TNIP3: variants seen among roughly 807,000 people sequenced by gnomAD.
TNIP3 encodes TNFAIP3 interacting protein 3.
TNIP3 carries 34 observed loss-of-function variants against 54.1 expected under a neutral mutation model. The ratio of observed to expected loss-of-function variants is 0.63; its 90% CI spans 0.48 to 0.84. TNIP3 has a LOEUF of 0.84. Among genes scored for constraint, TNIP3 ranks in the 40% least tolerant of loss-of-function variants. The pLI is 0.00. For synonymous variants in TNIP3, 134 were observed against 136.8 expected (o/e 0.98, Z 0.14); for missense variants, 366 against 387.6 (o/e 0.94, Z 0.47).
chr4:121,168,468 G>C (rs185275971), upstream of TNIP3, among the ~76,000 whole-genome samples: 224 of 151,512 alleles, frequency 1.5e-3, no homozygotes, highest in Non-Finnish European at 2.6e-3. Context: ...CAAAGTGCTG[G>C]GATTACAGGC....
chr4:121,196,909 T>TATCA (rs1386598186), intron 2 of TNIP3, among the ~76,000 whole-genome samples: 1 of 152,064 alleles, frequency 6.6e-6, no homozygotes, highest in East Asian at 1.9e-4. Flanking sequence ...ATTAGTGTTT[T>TATCA]ATCAGTCATT....
intron 1 of TNIP3, among the ~76,000 whole-genome samples, chr4:121,224,059 C>T (rs1727155168): frequency 1.3e-5 from 2 of 152,158 alleles, no homozygotes; most frequent in Admixed American, 1.3e-4. Context: ...TGAATGATCT[C>T]AGCTCTCTGA....
Position 121,157,088 on chromosome 4 carries a change from G to A in TNIP3, c.363+6C>T. On this transcript the variant is annotated splice_donor_region_variant and intron_variant, in intron 4 of 10. Coordinates refer to ENST00000057513, the MANE Select transcript of TNIP3 (RefSeq NM_024873.6). ...CTCCGGGCTCGAGGACCCGGGCCCCGCCCACCTCCTCCCGCTGCAGCCGGT... is the reference window on the plus strand; with the variant it reads ...CTCCGGGCTCGAGGACCCGGGCCCCACCCACCTCCTCCCGCTGCAGCCGGT... 2 of 1,613,064 alleles carry A rather than the reference G, an allele frequency of 1.2e-6. No individual in the cohort carries two copies. Among genetic ancestry groups the A allele is most frequent in the Non-Finnish European group, 8.5e-7 (1 of 1,179,778 alleles).
At chr4:121,168,746 G>A (rs958973046), upstream of TNIP3, among the ~76,000 whole-genome samples, 9 of 151,474 alleles carry the variant, frequency 5.9e-5, no homozygotes, top group African/African-American at 9.8e-5. Context: ...TCTTGAACTC[G>A]TGGCTTTGAA....
intron 8 of TNIP3, 21 bp downstream of exon 8, chr4:121,142,705 G>C (rs763797761): frequency 6.3e-7 from 1 of 1,598,000 alleles, no homozygotes; most frequent in Non-Finnish European, 8.6e-7. Context: ...AAATGTATGC[G>C]TGAAAATTAG....
chr4:121,214,854 G>A (rs570875345), intron 2 of TNIP3, among the ~76,000 whole-genome samples: 1 of 152,194 alleles, frequency 6.6e-6, no homozygotes, highest in Admixed American at 6.5e-5. Context: ...AATGCTTATT[G>A]TAGACCCACA....
At chr4:121,218,606 C>T (rs893491183), upstream of TNIP3, among the ~76,000 whole-genome samples, 1 of 151,258 alleles carries the variant, frequency 6.6e-6, no homozygotes, top group East Asian at 1.9e-4. Context: ...TCCTCCTTCT[C>T]CCCGTCCCTC....
intron 3 of TNIP3, among the ~76,000 whole-genome samples, chr4:121,157,796 T>C (rs1730206030): frequency 6.6e-6 from 1 of 152,158 alleles, no homozygotes; most frequent in Admixed American, 6.5e-5. Flanking sequence ...ATGGAGATTA[T>C]AGCCATCACT....
rs774411351 is a variant in TNIP3, at chr4:121,132,646, C to T, written c.963G>A (p.Lys321=). Residue 321 remains lysine (K), a synonymous_variant, in exon 11 of 11, where the codon AAG becomes AAA. Coordinates refer to ENST00000057513, the MANE Select transcript of TNIP3 (RefSeq NM_024873.6). The part of the protein sequence containing the change: ...QHKANGLSSV[K]KVHP ...GTGTGTACTTCTACGGATGGACTTT[C>T]TTTACTGAGGATAAACCTATGGAAA... 52 of 1,612,438 alleles carry T rather than the reference C, an allele frequency of 3.2e-5. No individual in the cohort carries two copies. The highest frequency in any genetic ancestry group is 4.4e-5 in the Non-Finnish European group (52 of 1,178,976).
chr4:121,160,699 T>C (rs1730397571), intron 2 of TNIP3, among the ~76,000 whole-genome samples: 1 of 152,198 alleles, frequency 6.6e-6, no homozygotes, highest in Admixed American at 6.5e-5. Context: ...GATGCCCAGT[T>C]CATGAAGTCA....
At chr4:121,204,649 C>T (rs1054730485) in intron 2 of TNIP3, among the ~76,000 whole-genome samples, 1 of 152,158 alleles carries the variant, frequency 6.6e-6, no homozygotes, top group Non-Finnish European at 1.5e-5. Context: ...TCACTACAAT[C>T]AATGCACAAT....
intron 3 of TNIP3, among the ~76,000 whole-genome samples, chr4:121,171,122 G>T (rs1731041575): frequency 6.6e-6 from 1 of 152,064 alleles, no homozygotes; most frequent in African/African-American, 2.4e-5. Flanking sequence ...TGCCAGTAAG[G>T]GATATCTTTT....
intron 2 of TNIP3, among the ~76,000 whole-genome samples, chr4:121,184,022 T>C (rs1488318584): frequency 6.6e-6 from 1 of 152,186 alleles, no homozygotes; most frequent in Non-Finnish European, 1.5e-5. Context: ...AACCAGTGCC[T>C]GGTGCCAAAA....
At chr4:121,158,969 C>T (rs942175789) in intron 2 of TNIP3, among the ~76,000 whole-genome samples, 3 of 152,148 alleles carry the variant, frequency 2.0e-5, no homozygotes, top group African/African-American at 4.8e-5. Flanking sequence ...TGGCTGGGTC[C>T]GGTGGCTCAC....
At chr4:121,226,760 A>C (rs1377734083) in intron 1 of TNIP3, among the ~76,000 whole-genome samples, 1 of 152,196 alleles carries the variant, frequency 6.6e-6, no homozygotes, top group Admixed American at 6.5e-5. Context: ...AGGGAAGTTT[A>C]TTTTGCAATC....
intron 2 of TNIP3, among the ~76,000 whole-genome samples, chr4:121,190,983 T>G (rs1244798114): frequency 6.6e-6 from 1 of 152,118 alleles, no homozygotes; most frequent in African/African-American, 2.4e-5. Context: ...ATTCCAAAGT[T>G]GAAAATTACA....
At chr4:121,142,065 T>C (rs1729153288) in intron 8 of TNIP3, 151 bp from the exon 9 acceptor site, 5 of 474,694 alleles carry the variant, frequency 1.1e-5, no homozygotes, top group South Asian at 5.0e-5. Context: ...GTCAATAGAC[T>C]CAGGACCAAT....
chr4:121,173,115 C>T (rs145070383), intron 3 of TNIP3, among the ~76,000 whole-genome samples: 1 of 152,126 alleles, frequency 6.6e-6, no homozygotes, highest in Non-Finnish European at 1.5e-5. Context: ...TGGTTTACTT[C>T]CCCCAAAGAA....
intron 10 of TNIP3, among the ~76,000 whole-genome samples, chr4:121,135,637 A>C (rs1231261036): frequency 1.3e-5 from 2 of 152,120 alleles, no homozygotes; most frequent in African/African-American, 2.4e-5. Context: ...AGGCTCAAGC[A>C]ATCTGCCCAC....
Sources: gnomAD v4.1 joint callset for allele counts (sites outside exome capture counted in the v4.1 genomes callset) on GRCh38, gnomAD v4.1.1 for gene constraint, MANE v1.5 for transcripts, NCBI Gene and HGNC (gene_info 2026-07-23, HGNC 2026-07-21) for gene names.